The following MSANTD2 variants were observed in gnomAD, a reference collection of about 807,000 sequenced individuals.
The protein encoded by MSANTD2 is Myb/SANT DNA binding domain containing 2, also known as myb/SANT-like DNA-binding domain-containing protein 2.
MSANTD2 carries 19 observed loss-of-function variants against 52.6 expected under a neutral mutation model. The observed-to-expected ratio is 0.36, with a 90% CI of 0.25 to 0.53. The LOEUF (loss-of-function observed/expected upper bound fraction) is 0.53. Among genes scored for constraint, MSANTD2 ranks in the 20% least tolerant of loss-of-function variants. MSANTD2 has a pLI of 0.91. For synonymous variants in MSANTD2, 291 were observed against 289.7 expected, an observed-to-expected ratio of 1.00 and a Z score of -0.04; for missense variants, 558 against 716.3, an observed-to-expected ratio of 0.78 and a Z score of 2.52.
Position 124,767,509 on chromosome 11 carries a change from C to T in MSANTD2, c.1347G>A (p.Glu449=). Residue 449 remains glutamate, a synonymous_variant, in exon 4 of 4, where the codon GAG becomes GAA. Transcript: ENST00000374979. The surrounding 1 kb of genome is among the most constrained non-coding windows in gnomAD (Gnocchi z 6.5). The part of the protein sequence containing the change: ...MEQSSLDPGK[E]GRVDLETLSA... Reference sequence around the variant, plus strand: ...AAAGGGTTTCCAGGTCAACCCGGCCCTCTTTTCCTGGGTCCAGGGAACTTT... The same window carrying T: ...AAAGGGTTTCCAGGTCAACCCGGCCTTCTTTTCCTGGGTCCAGGGAACTTT... 2 of 1,614,182 alleles carry T rather than the reference C, an allele frequency of 1.2e-6. No homozygotes were observed. The highest frequency in any genetic ancestry group is 1.3e-5 in the African/African-American group (1 of 75,054).
intron 1 of MSANTD2, among the ~76,000 whole-genome samples, chr11:124,781,524 A>T (rs1944966136): frequency 6.6e-6 from 1 of 152,176 alleles, no homozygotes. Flanking sequence ...TCCAGCTTTA[A>T]CACTGCCTAA....
intron 3 of MSANTD2, among the ~76,000 whole-genome samples, chr11:124,772,240 GC>G (rs1944552444): frequency 6.6e-6 from 1 of 152,074 alleles, no homozygotes; most frequent in South Asian, 2.1e-4. Flanking sequence ...CCTCTGGTCC[GC>G]CTATCATTTC....
At chr11:124,792,244 G>C (rs539355507) in intron 1 of MSANTD2, 1 of 152,796 alleles carries the variant, frequency 6.5e-6, no homozygotes, top group South Asian at 2.1e-4. Context: ...AAATGACCTG[G>C]AATTGGTATG....
chr11:124,767,067 G>T lies in MSANTD2; in HGVS notation c.*109C>A. On this transcript the variant is annotated 3_prime_UTR_variant, in exon 4 of 4. Transcript: ENST00000374979. The surrounding 1 kb of genome is among the most constrained non-coding windows in gnomAD (Gnocchi z 6.5). The stretch of plus-strand genomic sequence containing the variant: ...TCGTACTGGCCCAATTGAAGAAAGG[G>T]TTTCCATGAAGAGTCTGACGGCGGC... The T allele has an allele frequency of 8.8e-7, 1 of 1,141,864 alleles. No individual in the cohort carries two copies. Among genetic ancestry groups the T allele is most frequent in the Admixed American group, 2.3e-5 (1 of 42,610 alleles). The allele number at this position is 1,141,864 out of a possible 1,614,324, so 70.7% of individuals were successfully genotyped here. A position where few individuals can be genotyped will look rare whatever the true frequency, so the allele number is the denominator to read the frequency against.
At chr11:124,770,835 C>G (rs1307912538) in intron 3 of MSANTD2, among the ~76,000 whole-genome samples, 3 of 147,574 alleles carry the variant, frequency 2.0e-5, no homozygotes, top group African/African-American at 7.7e-5. Flanking sequence ...TGGGTTCAAG[C>G]AATTCTCTTG....
chr11:124,791,472 G>C, intron 1 of MSANTD2: 1 of 1,137,792 alleles, frequency 8.8e-7, no homozygotes, highest in Non-Finnish European at 1.3e-6. Context: ...TGGGAGGTCA[G>C]GCGAGTCACT....
intron 1 of MSANTD2, among the ~76,000 whole-genome samples, chr11:124,782,134 A>G (rs1944996937): frequency 6.6e-6 from 1 of 152,170 alleles, no homozygotes; most frequent in African/African-American, 2.4e-5. Context: ...GGTTCTAATT[A>G]CAAACTAGGC....
At chr11:124,772,593 C>T (rs375495781) in intron 3 of MSANTD2, among the ~76,000 whole-genome samples, 16 of 151,936 alleles carry the variant, frequency 1.1e-4, no homozygotes, top group South Asian at 2.1e-4. Context: ...AAAAATTAGC[C>T]GGGCGTGGTG....
At chr11:124,796,327 AAT>A (rs1945491148) in intron 1 of MSANTD2, among the ~76,000 whole-genome samples, 1 of 152,238 alleles carries the variant, frequency 6.6e-6, no homozygotes, top group Admixed American at 6.5e-5. Context: ...GAAGGCTGCT[AAT>A]CAGAAATTAT....
chr11:124,795,132 G>C (rs1393247185), intron 1 of MSANTD2, among the ~76,000 whole-genome samples: 1 of 152,134 alleles, frequency 6.6e-6, no homozygotes, highest in Non-Finnish European at 1.5e-5. Flanking sequence ...GCCCGCCTCA[G>C]CCTCCCAAAG....
chr11:124,770,105 C>G (rs1944448110), intron 3 of MSANTD2, among the ~76,000 whole-genome samples: 2 of 152,196 alleles, frequency 1.3e-5, no homozygotes, highest in South Asian at 4.1e-4. Context: ...AAGTTCCAAT[C>G]ACCAGAAAAG....
intron 1 of MSANTD2, among the ~76,000 whole-genome samples, chr11:124,795,273 CTT>C (rs1182733138): frequency 1.3e-5 from 2 of 152,194 alleles, no homozygotes; most frequent in Admixed American, 1.3e-4. Context: ...TGCATTTCAT[CTT>C]GAGGCACAGC....
intron 1 of MSANTD2, chr11:124,776,293 G>A (rs184941363): frequency 6.6e-6 from 1 of 152,330 alleles, no homozygotes; most frequent in East Asian, 1.9e-4. Context: ...AGGAAGTTCA[G>A]TCTCTTTATT....
intron 1 of MSANTD2, among the ~76,000 whole-genome samples, chr11:124,776,655 T>C (rs1944757306): frequency 6.6e-6 from 1 of 152,242 alleles, no homozygotes; most frequent in Non-Finnish European, 1.5e-5. Context: ...TATCAGATAC[T>C]TTAAAAATTT....
In MSANTD2 at chr11:124,767,285, T is replaced by C. The variant is rs1222466228; in HGVS notation, c.1571A>G (p.Lys524Arg). Residue 524 changes from lysine (K) to arginine (R), a missense_variant, in exon 4 of 4, where the codon AAA becomes AGA. Around this residue, in one of 2 missense-constraint regions of MSANTD2, gnomAD observed 408 missense variants for 573.6 expected, o/e 0.71. Transcript: ENST00000374979. The surrounding 1 kb of genome is among the most constrained non-coding windows in gnomAD (Gnocchi z 6.5). ...NCIVDPGVSP[K>R]SIYIKFVEVE... Reference sequence around the variant, plus strand: ...TTCTACAAATTTGATGTAGATGGATTTGGGGGAAACTCCGGGATCCACAAT... The same window carrying C: ...TTCTACAAATTTGATGTAGATGGATCTGGGGGAAACTCCGGGATCCACAAT... The C allele has an allele frequency of 1.9e-6, 3 of 1,614,164 alleles. No individual in the cohort carries two copies. The highest frequency in any genetic ancestry group is 1.1e-5 in the South Asian group (1 of 91,072).
At chr11:124,799,743 G>C in intron 1 of MSANTD2, 128 bp downstream of exon 1, 1 of 624,996 alleles carries the variant, frequency 1.6e-6, no homozygotes, top group Non-Finnish European at 2.6e-6. Context: ...AAAAGGCGGA[G>C]GAGATGCGAA....
intron 1 of MSANTD2, among the ~76,000 whole-genome samples, chr11:124,788,206 G>A (rs150968476): frequency 2.3e-4 from 35 of 152,116 alleles, no homozygotes; most frequent in African/African-American, 7.5e-4. Flanking sequence ...TACCCATGCA[G>A]AGTGAGGAAT....
chr11:124,800,066 C>T lies in MSANTD2; in HGVS notation c.315G>A (p.Thr105=). 1 of 1,537,738 alleles carries T rather than the reference C, an allele frequency of 6.5e-7. No homozygotes were observed. The highest frequency in any genetic ancestry group is 8.7e-7 in the Non-Finnish European group (1 of 1,152,482). ...CGATGAGCGCGTTCGTCTCGGCTGGCGTCCACGACATGCCCCGGCAGGCGG... is the reference window on the plus strand; with the variant it reads ...CGATGAGCGCGTTCGTCTCGGCTGGTGTCCACGACATGCCCCGGCAGGCGG... ...AAAACRGMSW[T]PAETNALIAV... is the part of the protein sequence containing the mutation. Residue 105 remains threonine (T), a synonymous_variant, in exon 1 of 4, where the codon ACG becomes ACA. Transcript: ENST00000374979. The surrounding 1 kb of genome is among the most constrained non-coding windows in gnomAD (Gnocchi z 4.3).
At chr11:124,778,593 A>T (rs185258942) in intron 1 of MSANTD2, among the ~76,000 whole-genome samples, 2 of 152,234 alleles carry the variant, frequency 1.3e-5, no homozygotes, top group Admixed American at 1.3e-4. Flanking sequence ...TCGGTGGTCA[A>T]CCCAGAGGAG....
Sources: allele counts gnomAD v4.1 joint callset (sites outside exome capture counted in the v4.1 genomes callset), GRCh38; gene constraint gnomAD v4.1.1; regional missense constraint gnomAD v4.1.1; non-coding constraint Gnocchi (gnomAD v3.1); transcripts MANE v1.5; gene names NCBI Gene and HGNC (gene_info 2026-07-23, HGNC 2026-07-21).